TNS3: variants seen among roughly 807,000 people sequenced by gnomAD.
TNS3 encodes tensin-3.
In TNS3, 45 loss-of-function variants were observed where a neutral mutation model predicts 140.9. That is an observed-to-expected ratio of 0.32 (90% CI 0.25 to 0.41). The LOEUF is 0.41. Ranked by LOEUF, TNS3 falls within the 10% of genes least tolerant of loss-of-function variation. TNS3 has a pLI of 1.00. For missense variants in TNS3, 1,716 were observed against 1,906.7 expected (o/e 0.90, Z 1.86); for synonymous variants, 815 against 788.4 (o/e 1.03, Z -0.56).
chr7:47,312,832 T>C (rs1004002805), intron 20 of TNS3, among the ~76,000 whole-genome samples: 2 of 152,178 alleles, frequency 1.3e-5, no homozygotes, highest in Non-Finnish European at 2.9e-5. Flanking sequence ...TGTACACATG[T>C]GTAACCTGCA....
rs761043510 is a variant in TNS3 at position 47,303,266 on chromosome 7, C to A, written c.3141G>T (p.Ala1047=). The change falls in exon 22 of 31, where the codon GCG becomes GCT. Residue 1047 remains alanine (A), a synonymous_variant. Coordinates refer to ENST00000311160, the MANE Select transcript of TNS3 (RefSeq NM_022748.12). ...LGALLANSHG[A]SPTPSIPLTA... is the part of the protein sequence containing the mutation. Reference sequence around the variant, plus strand: ...TCAGCGGGATGCTGGGGGTCGGTGACGCTCCATGAGAATTGGCCAGCAAGG... The same window carrying A: ...TCAGCGGGATGCTGGGGGTCGGTGAAGCTCCATGAGAATTGGCCAGCAAGG... 5.6e-6 allele frequency: 9 copies of A among 1,613,496 alleles called. No individual in the cohort carries two copies. The highest frequency in any genetic ancestry group is 7.6e-6 in the Non-Finnish European group (9 of 1,179,954).
intron 27 of TNS3, among the ~76,000 whole-genome samples, chr7:47,286,436 C>T (rs1785423797): frequency 1.3e-5 from 2 of 152,200 alleles, no homozygotes; most frequent in Admixed American, 6.5e-5. Flanking sequence ...CAGCAGAGAA[C>T]AGGCATGCCT....
At chr7:47,581,274 C>T (rs763103134) in intron 1 of TNS3, among the ~76,000 whole-genome samples, 16 of 152,020 alleles carry the variant, frequency 1.1e-4, no homozygotes, top group Non-Finnish European at 2.1e-4. Context: ...TCCCGCGTGC[C>T]AGGAGGCACA....
At chr7:47,492,187 C>T (rs1220105713) in intron 3 of TNS3, among the ~76,000 whole-genome samples, 1 of 152,198 alleles carries the variant, frequency 6.6e-6, no homozygotes, top group Non-Finnish European at 1.5e-5. Flanking sequence ...CATCTCATGT[C>T]CACCCTACAC....
At chr7:47,448,365 TG>T (rs1795853366) in intron 4 of TNS3, among the ~76,000 whole-genome samples, 1 of 152,174 alleles carries the variant, frequency 6.6e-6, no homozygotes, top group South Asian at 2.1e-4. Flanking sequence ...GGATCCCAGC[TG>T]GTTTGATGTT....
intron 1 of TNS3, among the ~76,000 whole-genome samples, chr7:47,551,502 A>G (rs1379625656): frequency 6.6e-6 from 1 of 152,232 alleles, no homozygotes; most frequent in Non-Finnish European, 1.5e-5. Context: ...AGCCACCAGG[A>G]GCAGGGGAGC....
At chr7:47,507,074 C>A in intron 2 of TNS3, 130 bp from the exon 3 acceptor site, 2 of 665,514 alleles carry the variant, frequency 3.0e-6, no homozygotes, top group Non-Finnish European at 4.4e-6. Flanking sequence ...CTCTCTGGCA[C>A]GAGAGAGATT....
Position 47,369,362 on chromosome 7 carries a change from C to A in TNS3, c.1284G>T (p.Leu428=), listed in dbSNP as rs1445114261. ...GATCTTCCAGGCCAAAGCCACTGAGCAGCTGGTCCAACTCTGCCTTCTCCT... is the reference window on the plus strand; with the variant it reads ...GATCTTCCAGGCCAAAGCCACTGAGAAGCTGGTCCAACTCTGCCTTCTCCT... ...SAQEKAELDQ[L]LSGFGLEDPG... The change falls in exon 17 of 31, where the codon CTG becomes CTT. Residue 428 remains leucine, a synonymous_variant. Coordinates refer to ENST00000311160, the MANE Select transcript of TNS3 (RefSeq NM_022748.12). 6.2e-7 allele frequency: 1 copy of A among 1,614,184 alleles called. No individual in the cohort carries two copies. Among genetic ancestry groups the A allele is most frequent in the South Asian group, 1.1e-5 (1 of 91,080 alleles).
At chr7:47,580,663 T>A (rs564503660) in intron 1 of TNS3, among the ~76,000 whole-genome samples, 53 of 151,212 alleles carry the variant, frequency 3.5e-4, no homozygotes, top group African/African-American at 1.3e-3. Flanking sequence ...TTAATACTTG[T>A]TGATTGATTT....
At chr7:47,478,938 T>TAC (rs145018052) in intron 4 of TNS3, among the ~76,000 whole-genome samples, 101,170 of 150,174 alleles carry the variant, frequency 0.67, 34,860 homozygotes, top group East Asian at 0.89. Context: ...ACACACATAA[T>TAC]ACACACACAC....
At chr7:47,476,976 T>C (rs1255282175) in intron 4 of TNS3, among the ~76,000 whole-genome samples, 2 of 152,152 alleles carry the variant, frequency 1.3e-5, no homozygotes, top group African/African-American at 2.4e-5. Context: ...AAAACGAACA[T>C]CACAGGTAAA....
At chr7:47,365,476 G>A (rs781706775) in intron 17 of TNS3, among the ~76,000 whole-genome samples, 2 of 146,304 alleles carry the variant, frequency 1.4e-5, no homozygotes, top group Non-Finnish European at 3.0e-5. Flanking sequence ...TCAAAGTAAC[G>A]AGTTTGGCTG....
chr7:47,402,322 C>T (rs1562694449), intron 13 of TNS3, among the ~76,000 whole-genome samples: 2 of 152,188 alleles, frequency 1.3e-5, no homozygotes, highest in Non-Finnish European at 1.5e-5. Flanking sequence ...CGCTGGCCAG[C>T]GGTGCTGTAA....
chr7:47,576,491 G>A (rs535687001), intron 1 of TNS3, among the ~76,000 whole-genome samples: 7 of 152,304 alleles, frequency 4.6e-5, no homozygotes, highest in East Asian at 1.9e-4. Context: ...CCTCCTGTGC[G>A]TACCTTTGAT....
At chr7:47,481,694 T>A (rs536832056) in intron 3 of TNS3, 1 of 985,246 alleles carries the variant, frequency 1.0e-6, no homozygotes, top group African/African-American at 1.7e-5. Flanking sequence ...AGAGGAGACT[T>A]TGACTCCACC....
intron 17 of TNS3, among the ~76,000 whole-genome samples, chr7:47,360,594 C>A (rs530560431): frequency 2.1e-4 from 32 of 152,232 alleles, no homozygotes; most frequent in African/African-American, 7.5e-4. Context: ...GGGGTGGTGG[C>A]CAAGGGAAGC....
At chr7:47,316,120 CTCTCTCT>C (rs1390408685) in intron 20 of TNS3, among the ~76,000 whole-genome samples, 1 of 148,990 alleles carries the variant, frequency 6.7e-6, no homozygotes, top group Non-Finnish European at 1.5e-5. Flanking sequence ...CTCTCTCTCT[CTCTCTCT>C]CTCTCTCTCT....
At chr7:47,422,666 T>G (rs898150363) in intron 10 of TNS3, among the ~76,000 whole-genome samples, 18 of 151,896 alleles carry the variant, frequency 1.2e-4, no homozygotes, top group South Asian at 2.1e-4. Context: ...TCCCCCTTTT[T>G]CCATATTCTT....
At chr7:47,544,537 G>A (rs777120568) in intron 1 of TNS3, among the ~76,000 whole-genome samples, 1 of 152,242 alleles carries the variant, frequency 6.6e-6, no homozygotes, top group East Asian at 1.9e-4. Flanking sequence ...TGCCATGGGA[G>A]GACACAGATA....
Sources: gnomAD v4.1 joint callset for allele counts (sites outside exome capture counted in the v4.1 genomes callset) on GRCh38, gnomAD v4.1.1 for gene constraint, MANE v1.5 for transcripts, NCBI Gene and HGNC (gene_info 2026-07-23, HGNC 2026-07-21) for gene names.